P4HA1: variants seen among roughly 807,000 people sequenced by gnomAD.
The protein encoded by P4HA1 is prolyl 4-hydroxylase subunit alpha-1.
In P4HA1, 24 loss-of-function variants were observed where a neutral mutation model predicts 72.8. That is an observed-to-expected ratio of 0.33 (90% CI 0.24 to 0.46). The LOEUF (loss-of-function observed/expected upper bound fraction) is 0.46. P4HA1 is among the 20% of genes least tolerant of loss of function. The probability of loss-of-function intolerance (pLI) is 1.00; values close to 1 mark genes in which losing one functional copy is unlikely to be tolerated. For synonymous variants in P4HA1, 201 were observed against 218.8 expected (o/e 0.92, Z 0.72); for missense variants, 446 against 640.6 (o/e 0.70, Z 3.28).
chr10:73,034,586 T>G (rs926251226), intron 9 of P4HA1, among the ~76,000 whole-genome samples: 1 of 135,278 alleles, frequency 7.4e-6, no homozygotes, highest in Admixed American at 7.5e-5. Flanking sequence ...GTGTGTGTGG[T>G]TTTTTTTTTT....
intron 1 of P4HA1, among the ~76,000 whole-genome samples, chr10:73,083,643 T>C (rs557531685): frequency 6.6e-6 from 1 of 152,268 alleles, no homozygotes; most frequent in South Asian, 2.1e-4. Context: ...ACTGACCCCT[T>C]TTACCTTTTT....
At chr10:73,057,930 A>G (rs1841189970) in intron 5 of P4HA1, among the ~76,000 whole-genome samples, 1 of 151,828 alleles carries the variant, frequency 6.6e-6, no homozygotes, top group South Asian at 2.1e-4. Flanking sequence ...TCTTTACTAA[A>G]AATACAAAAA....
At chr10:73,065,727 T>C (rs1302353801) in intron 5 of P4HA1, among the ~76,000 whole-genome samples, 1 of 152,130 alleles carries the variant, frequency 6.6e-6, no homozygotes, top group East Asian at 1.9e-4. Flanking sequence ...TGATTTCTTA[T>C]ACCCTAAGAG....
chr10:73,067,071 C>T (rs1045921275), intron 5 of P4HA1, among the ~76,000 whole-genome samples: 2 of 152,040 alleles, frequency 1.3e-5, no homozygotes, highest in Admixed American at 6.6e-5. Context: ...AATTGCTATG[C>T]TGCCCAGGCT....
Position 73,053,385 on chromosome 10 carries a change from C to T in P4HA1, c.669G>A (p.Lys223=). 6.2e-7 allele frequency: 1 copy of T among 1,614,130 alleles called. No individual in the cohort carries two copies. Among genetic ancestry groups the T allele is most frequent in the Non-Finnish European group, 8.5e-7 (1 of 1,179,984 alleles). ...GAAGCTTCTTTGTGAGCAAAAGTGC[C>T]TTATCCAGGTCTCCCTGCTGATATA... The part of the protein sequence containing the change: ...YAVYQQGDLD[K]ALLLTKKLLE... Residue 223 remains lysine (K), a synonymous_variant, in exon 6 of 15, where the codon AAG becomes AAA. Coordinates refer to ENST00000394890, the MANE Select transcript of P4HA1 (RefSeq NM_001017962.3).
intron 1 of P4HA1, among the ~76,000 whole-genome samples, chr10:73,095,742 T>G (rs980080137): frequency 3.9e-5 from 6 of 152,194 alleles, no homozygotes; most frequent in African/African-American, 1.2e-4. Context: ...TCTAGCTGCT[T>G]CTTCAACCCT....
chr10:73,064,875 C>T (rs963537207), intron 5 of P4HA1, among the ~76,000 whole-genome samples: 2 of 151,288 alleles, frequency 1.3e-5, no homozygotes, highest in African/African-American at 2.5e-5. Context: ...ATGGTTCATC[C>T]GTTAAACTGA....
chr10:73,009,624 ATC>A, intron 14 of P4HA1, 181 bp downstream of exon 14: 2 of 513,664 alleles, frequency 3.9e-6, no homozygotes, highest in Non-Finnish European at 7.0e-6. Context: ...TAAAAATAAA[ATC>A]TGTCATCAAA....
At chr10:73,092,618 A>G (rs1229798535) in intron 1 of P4HA1, among the ~76,000 whole-genome samples, 1 of 150,408 alleles carries the variant, frequency 6.6e-6, no homozygotes, top group African/African-American at 2.4e-5. Flanking sequence ...TCGGCCTTCC[A>G]AAGTGCTGTG....
intron 1 of P4HA1, among the ~76,000 whole-genome samples, chr10:73,095,333 G>A (rs1462415511): frequency 2.0e-5 from 3 of 148,780 alleles, no homozygotes. Context: ...TGAATATATC[G>A]TCTTAGGATA....
chr10:73,048,856 C>T (rs1245797530), intron 7 of P4HA1, among the ~76,000 whole-genome samples: 2 of 152,086 alleles, frequency 1.3e-5, no homozygotes, highest in Non-Finnish European at 2.9e-5. Flanking sequence ...AATGAGGGAA[C>T]AGGTGCAGTG....
intron 8 of P4HA1, 108 bp downstream of exon 8, chr10:73,046,817 T>TA (rs940227061): frequency 5.2e-5 from 44 of 839,570 alleles, no homozygotes; most frequent in Non-Finnish European, 6.9e-5. Flanking sequence ...AAAATATCTT[T>TA]AAAAAATCTG....
At chr10:73,092,366 T>C (rs112664302) in intron 1 of P4HA1, among the ~76,000 whole-genome samples, 1 of 141,664 alleles carries the variant, frequency 7.1e-6, no homozygotes, top group Non-Finnish European at 1.5e-5. Flanking sequence ...TTTTTTTTTT[T>C]AGAGACAGGG....
chr10:73,049,411 C>A (rs558331289), intron 7 of P4HA1, among the ~76,000 whole-genome samples: 11 of 152,326 alleles, frequency 7.2e-5, no homozygotes, highest in African/African-American at 2.2e-4. Context: ...CTGTGTTCAA[C>A]TGAAAACTAA....
At chr10:73,027,604 A>AG (rs1472992361) in intron 10 of P4HA1, among the ~76,000 whole-genome samples, 1 of 127,088 alleles carries the variant, frequency 7.9e-6, no homozygotes, top group Non-Finnish European at 1.6e-5. Context: ...TAAAAAAAAA[A>AG]AAAGGGAAGG....
At chr10:73,043,309 TGA>T (rs1266620976) in intron 9 of P4HA1, among the ~76,000 whole-genome samples, 2 of 152,200 alleles carry the variant, frequency 1.3e-5, no homozygotes, top group African/African-American at 2.4e-5. Flanking sequence ...TCTATTTTCA[TGA>T]GAGCCGAGAA....
intron 5 of P4HA1, among the ~76,000 whole-genome samples, chr10:73,055,297 C>G (rs546512819): frequency 3.3e-5 from 5 of 152,178 alleles, no homozygotes; most frequent in Non-Finnish European, 5.9e-5. Flanking sequence ...CTCCATCTCC[C>G]AGGTTCAAGC....
At chr10:73,019,631 G>A (rs1444652527) in intron 10 of P4HA1, among the ~76,000 whole-genome samples, 2 of 150,064 alleles carry the variant, frequency 1.3e-5, no homozygotes, top group Non-Finnish European at 3.0e-5. Context: ...GCAGGAGGCT[G>A]AGGCAGGAGA....
At chr10:73,068,159 C>T (rs1841471088) in intron 5 of P4HA1, among the ~76,000 whole-genome samples, 1 of 152,124 alleles carries the variant, frequency 6.6e-6, no homozygotes. Context: ...GATACCTTCA[C>T]CTCAAATAAA....
Sources: gnomAD v4.1 joint callset for allele counts (sites outside exome capture counted in the v4.1 genomes callset) on GRCh38, gnomAD v4.1.1 for gene constraint, MANE v1.5 for transcripts, NCBI Gene and HGNC (gene_info 2026-07-23, HGNC 2026-07-21) for gene names.